The following ULK4 variants were observed in gnomAD, a reference collection of about 807,000 sequenced individuals.
The protein encoded by ULK4 is unc-51 like kinase 4.
ULK4 carries 133 observed loss-of-function variants against 160.6 expected under a neutral mutation model. The ratio of observed to expected loss-of-function variants is 0.83; its 90% CI spans 0.72 to 0.96. The LOEUF (loss-of-function observed/expected upper bound fraction) is 0.96, where lower values mean the gene tolerates loss of function less well. Among genes scored for constraint, ULK4 ranks in the 40% least tolerant of loss-of-function variants. The pLI is 0.00. For synonymous variants in ULK4, 534 were observed against 539.8 expected (o/e 0.99, Z 0.15); for missense variants, 1,580 against 1,499.5 (o/e 1.05, Z -0.89).
intron 34 of ULK4, among the ~76,000 whole-genome samples, chr3:41,440,850 T>A (rs2083149893): frequency 6.6e-6 from 1 of 152,132 alleles, no homozygotes; most frequent in Admixed American, 6.5e-5. Flanking sequence ...AGGTTGTTTT[T>A]TTCTTGAGTG....
chr3:41,754,993 A>G (rs551665644), intron 21 of ULK4, among the ~76,000 whole-genome samples: 37 of 152,354 alleles, frequency 2.4e-4, no homozygotes, highest in African/African-American at 7.2e-4. Context: ...GTATACTCCT[A>G]TAACACTCTT....
At chr3:41,937,312 C>T in intron 3 of ULK4, 2 of 692,662 alleles carry the variant, frequency 2.9e-6, no homozygotes, top group East Asian at 5.4e-5. Context: ...ATGTGTACAT[C>T]CATGGAAGTA....
intron 32 of ULK4, among the ~76,000 whole-genome samples, chr3:41,540,236 G>A (rs537381994): frequency 7.3e-5 from 11 of 151,328 alleles, no homozygotes; most frequent in Non-Finnish European, 1.6e-4. Context: ...AGGCCCCAGT[G>A]TGTGATGCGT....
intron 31 of ULK4, among the ~76,000 whole-genome samples, chr3:41,586,384 A>G (rs565169871): frequency 6.6e-6 from 1 of 152,318 alleles, no homozygotes; most frequent in Admixed American, 6.5e-5. Flanking sequence ...AAGTGAAATA[A>G]GCCAGTCACA....
chr3:41,738,192 T>C (rs1158974173), intron 22 of ULK4, among the ~76,000 whole-genome samples: 8 of 151,972 alleles, frequency 5.3e-5, no homozygotes, highest in Non-Finnish European at 1.0e-4. Context: ...AATATGACTG[T>C]AGTGGATCTT....
intron 31 of ULK4, among the ~76,000 whole-genome samples, chr3:41,607,548 G>A (rs952292065): frequency 6.6e-6 from 1 of 152,108 alleles, no homozygotes; most frequent in Non-Finnish European, 1.5e-5. Flanking sequence ...CCTTTGAAGT[G>A]TAACATTAAA....
intron 34 of ULK4, among the ~76,000 whole-genome samples, chr3:41,440,239 T>C (rs2125855692): frequency 6.6e-6 from 1 of 152,254 alleles, no homozygotes; most frequent in East Asian, 1.9e-4. Context: ...CAATGGCAAA[T>C]GGAAGCAGTG....
intron 33 of ULK4, among the ~76,000 whole-genome samples, chr3:41,460,106 C>A (rs756459235): frequency 6.6e-6 from 1 of 152,134 alleles, no homozygotes; most frequent in Non-Finnish European, 1.5e-5. Context: ...CCTAAAATAG[C>A]CCCCAACTAC....
chr3:41,750,898 G>A, intron 22 of ULK4, among the ~76,000 whole-genome samples: 1 of 151,170 alleles, frequency 6.6e-6, no homozygotes, highest in East Asian at 1.9e-4. Flanking sequence ...GCTGAAGCAG[G>A]AGAATTGCTT....
chr3:41,248,207 GCT>G (rs1259898075), intron 36 of ULK4, among the ~76,000 whole-genome samples: 1 of 152,262 alleles, frequency 6.6e-6, no homozygotes, highest in African/African-American at 2.4e-5. Context: ...CTCCTCTGTG[GCT>G]CTCTCTCTGC....
intron 35 of ULK4, among the ~76,000 whole-genome samples, chr3:41,361,608 A>G (rs2081146801): frequency 1.3e-5 from 2 of 152,224 alleles, no homozygotes; most frequent in African/African-American, 2.4e-5. Context: ...CTACTATGAG[A>G]TAAGTTTTCA....
At chr3:41,540,063 G>GT (rs2086641135) in intron 32 of ULK4, among the ~76,000 whole-genome samples, 3 of 152,118 alleles carry the variant, frequency 2.0e-5, no homozygotes, top group Admixed American at 6.5e-5. Context: ...AGAAAACAGT[G>GT]TTTTTTATTT....
Position 41,626,871 on chromosome 3 carries a change from G to A in ULK4, c.3072-11154C>T, listed in dbSNP as rs558056849. 9.2e-5 allele frequency among the ~76,000 whole-genome samples: 14 copies of A among 152,248 alleles called. No individual in the cohort carries two copies. In the East Asian group the frequency reaches 1.7e-3, roughly 19 times the overall value. ...GGTAAAGTCATAGCAGTGGCCTATG[G>A]AATATGGTGGCCTTGGTCTTTCTCT... On this transcript the variant is annotated intron_variant, in intron 30 of 36. Transcript: ENST00000301831.
intron 18 of ULK4, among the ~76,000 whole-genome samples, chr3:41,827,322 A>G (rs1365573695): frequency 6.6e-6 from 1 of 151,654 alleles, no homozygotes; most frequent in African/African-American, 2.4e-5. Flanking sequence ...AGCAGAACTG[A>G]AGGAGACAGA....
At chr3:41,305,239 T>G in intron 35 of ULK4, among the ~76,000 whole-genome samples, 1 of 152,028 alleles carries the variant, frequency 6.6e-6, no homozygotes, top group Non-Finnish European at 1.5e-5. Context: ...CTCCCCACGG[T>G]CTCCCTCTCC....
At chr3:41,457,175 T>C (rs943284090) in intron 33 of ULK4, among the ~76,000 whole-genome samples, 87 of 152,142 alleles carry the variant, frequency 5.7e-4, no homozygotes, top group African/African-American at 2.0e-3. Context: ...TTAGAGCAGA[T>C]TGATTTCTTC....
chr3:41,525,164 G>A (rs1277007511), intron 32 of ULK4, among the ~76,000 whole-genome samples: 1 of 152,230 alleles, frequency 6.6e-6, no homozygotes, highest in Non-Finnish European at 1.5e-5. Flanking sequence ...TAACTAAGCA[G>A]ATGAAAGATA....
At chr3:41,673,495 C>T (rs2035605140) in intron 29 of ULK4, among the ~76,000 whole-genome samples, 1 of 151,976 alleles carries the variant, frequency 6.6e-6, no homozygotes, top group Admixed American at 6.6e-5. Flanking sequence ...AAAAACAAAG[C>T]CTTAATAATT....
chr3:41,721,245 T>G (rs2037442364), intron 22 of ULK4, among the ~76,000 whole-genome samples: 2 of 133,048 alleles, frequency 1.5e-5, no homozygotes, highest in African/African-American at 2.9e-5. Context: ...TGAGAAATTT[T>G]TCGCTTTGAA....
Sources: gnomAD v4.1 joint callset for allele counts (sites outside exome capture counted in the v4.1 genomes callset) on GRCh38, gnomAD v4.1.1 for gene constraint, MANE v1.5 for transcripts, NCBI Gene and HGNC (gene_info 2026-07-23, HGNC 2026-07-21) for gene names.